Variants in GRID1 observed in about 807,000 individuals in gnomAD.
The protein encoded by GRID1 is glutamate receptor ionotropic, delta-1.
A neutral mutation model predicts 98.0 loss-of-function variants in GRID1; 28 were observed. The ratio of observed to expected loss-of-function variants is 0.29; its 90% CI spans 0.21 to 0.39. GRID1 has a LOEUF of 0.39. Ranked by LOEUF, GRID1 falls within the 10% of genes least tolerant of loss-of-function variation. The probability of loss-of-function intolerance (pLI) is 1.00; values close to 1 mark genes in which losing one functional copy is unlikely to be tolerated. For synonymous variants in GRID1, 553 were observed against 538.5 expected (o/e 1.03, Z -0.37); for missense variants, 1,111 against 1,340.5 (o/e 0.83, Z 2.67).
intron 4 of GRID1, among the ~76,000 whole-genome samples, chr10:86,024,844 C>T (rs1373695438): frequency 6.6e-6 from 1 of 152,164 alleles, no homozygotes; most frequent in Admixed American, 6.5e-5. Context: ...TGGGTATCCC[C>T]ACCCCTATCT....
chr10:86,059,555 T>C (rs754746197), intron 4 of GRID1, among the ~76,000 whole-genome samples: 2 of 152,238 alleles, frequency 1.3e-5, no homozygotes, highest in Non-Finnish European at 2.9e-5. Context: ...AGTGAACTTA[T>C]ATTCAAATTC....
rs1193871998 is a variant in GRID1, at chr10:85,728,011, C to T, written c.1377G>A (p.Gln459=). The T allele has an allele frequency of 1.2e-6, 2 of 1,613,838 alleles. No homozygotes were observed. Among genetic ancestry groups the T allele is most frequent in the African/African-American group, 1.3e-5 (1 of 75,040 alleles). ...FVMVAENILG[Q]PKRYKGFSID... is the part of the protein sequence containing the mutation. ...TGGAGAACCCTTTGTAGCGCTTGGG[C>T]TGTCCTAGGATGTTCTCAGCCACCA... Residue 459 remains glutamine, a synonymous_variant, in exon 10 of 16, where the codon CAG becomes CAA. Transcript: ENST00000327946.
At chr10:85,707,393 C>G (rs1841532827) in intron 12 of GRID1, among the ~76,000 whole-genome samples, 1 of 152,120 alleles carries the variant, frequency 6.6e-6, no homozygotes, top group Non-Finnish European at 1.5e-5. Context: ...CAGAGAAATG[C>G]AAATCAAAAC....
intron 5 of GRID1, among the ~76,000 whole-genome samples, chr10:85,901,015 G>A (rs1016403306): frequency 6.6e-6 from 1 of 152,136 alleles, no homozygotes; most frequent in African/African-American, 2.4e-5. Flanking sequence ...AAGGATGCAT[G>A]AGACTTCAGG....
chr10:86,112,891 T>C (rs1194960757), intron 4 of GRID1, among the ~76,000 whole-genome samples: 1 of 152,122 alleles, frequency 6.6e-6, no homozygotes, highest in African/African-American at 2.4e-5. Context: ...TGTTTTGCAT[T>C]GGCCAGGATT....
chr10:86,212,179 C>T (rs1414938630), intron 2 of GRID1, among the ~76,000 whole-genome samples: 10 of 152,006 alleles, frequency 6.6e-5, no homozygotes, highest in East Asian at 3.9e-4. Context: ...AAGAGACCCA[C>T]GGTTCCTGGT....
chr10:85,697,383 A>C (rs958280876), intron 12 of GRID1, among the ~76,000 whole-genome samples: 1 of 152,124 alleles, frequency 6.6e-6, no homozygotes, highest in Non-Finnish European at 1.5e-5. Context: ...TATCCTCTGT[A>C]ATACTCTATG....
intron 2 of GRID1, among the ~76,000 whole-genome samples, chr10:86,360,911 C>T (rs1045129247): frequency 2.0e-5 from 3 of 152,204 alleles, no homozygotes; most frequent in Non-Finnish European, 2.9e-5. Context: ...ACCAAAACAG[C>T]GACAGCACCA....
At chr10:85,726,210 T>C (rs950234473) in intron 10 of GRID1, among the ~76,000 whole-genome samples, 10 of 151,918 alleles carry the variant, frequency 6.6e-5, no homozygotes, top group African/African-American at 2.2e-4. Context: ...TCTCAGTTTA[T>C]TTCCCCAATA....
chr10:85,917,298 C>CAA (rs371471495), intron 4 of GRID1, among the ~76,000 whole-genome samples: 2 of 147,646 alleles, frequency 1.4e-5, no homozygotes, highest in African/African-American at 2.5e-5. Flanking sequence ...TTCCTTTTAT[C>CAA]AAAAAAAAAA....
chr10:86,292,510 T>G (rs7895151), intron 2 of GRID1, among the ~76,000 whole-genome samples: 11,115 of 152,276 alleles, frequency 0.073, 1,131 homozygotes, highest in African/African-American at 0.24. Flanking sequence ...AGCTCACAGA[T>G]AAGCGTCGCC....
chr10:85,813,969 A>C (rs1842695279), intron 8 of GRID1, among the ~76,000 whole-genome samples: 1 of 151,884 alleles, frequency 6.6e-6, no homozygotes, highest in South Asian at 2.1e-4. Flanking sequence ...ATACATACCC[A>C]AAATGTAAAT....
At chr10:85,738,357 A>G (rs941552778) in intron 8 of GRID1, among the ~76,000 whole-genome samples, 2 of 152,228 alleles carry the variant, frequency 1.3e-5, no homozygotes, top group Admixed American at 6.5e-5. Flanking sequence ...CCTCACTAGA[A>G]TGGCTAAAAT....
chr10:86,016,766 C>G (rs937288959), intron 4 of GRID1, among the ~76,000 whole-genome samples: 2 of 152,166 alleles, frequency 1.3e-5, no homozygotes, highest in Non-Finnish European at 2.9e-5. Flanking sequence ...ATTTCTAAAC[C>G]CAGCACCCTC....
chr10:85,776,097 C>T (rs1842328163), intron 8 of GRID1, among the ~76,000 whole-genome samples: 1 of 152,058 alleles, frequency 6.6e-6, no homozygotes. Flanking sequence ...ACTGAAGAGA[C>T]TTGGGTTTGT....
intron 4 of GRID1, among the ~76,000 whole-genome samples, chr10:86,053,358 G>GT (rs1435740191): frequency 4.3e-5 from 5 of 115,634 alleles, no homozygotes; most frequent in Non-Finnish European, 2.0e-5. Context: ...ATTTTTTTTT[G>GT]TTTTTTTGTT....
chr10:85,754,421 G>A (rs1205763377), intron 8 of GRID1, among the ~76,000 whole-genome samples: 2 of 152,184 alleles, frequency 1.3e-5, no homozygotes, highest in Admixed American at 1.3e-4. Flanking sequence ...TTAAAATCAT[G>A]AGTTACATAT....
chr10:85,781,814 A>AC (rs1239167557), intron 8 of GRID1, among the ~76,000 whole-genome samples: 1 of 151,744 alleles, frequency 6.6e-6, no homozygotes, highest in Admixed American at 6.6e-5. Flanking sequence ...TGAAAAAAAA[A>AC]AAAACCAAAA....
chr10:85,626,001 C>A (rs1268522015), intron 13 of GRID1, among the ~76,000 whole-genome samples: 1 of 152,168 alleles, frequency 6.6e-6, no homozygotes, highest in Non-Finnish European at 1.5e-5. Context: ...TGGAAAGGGA[C>A]AAGCAACCAC....
Sources: gnomAD v4.1 joint callset for allele counts (sites outside exome capture counted in the v4.1 genomes callset) on GRCh38, gnomAD v4.1.1 for gene constraint, MANE v1.5 for transcripts, NCBI Gene and HGNC (gene_info 2026-07-23, HGNC 2026-07-21) for gene names.